The following CSGALNACT1 variants were observed in gnomAD, a reference collection of about 807,000 sequenced individuals.
CSGALNACT1 encodes the protein chondroitin sulfate N-acetylgalactosaminyltransferase 1.
CSGALNACT1 carries 52 observed loss-of-function variants against 51.0 expected under a neutral mutation model. That is an observed-to-expected ratio of 1.02 (90% CI 0.82 to 1.29). The LOEUF is 1.29. Among genes scored for constraint, CSGALNACT1 ranks in the 50% most tolerant of loss-of-function variants. The probability of loss-of-function intolerance (pLI) is 0.00; values close to 1 mark genes in which losing one functional copy is unlikely to be tolerated. For missense variants in CSGALNACT1, 935 were observed against 679.2 expected (o/e 1.38, Z -4.19); for synonymous variants, 341 against 254.4 (o/e 1.34, Z -3.24).
intron 1 of CSGALNACT1, among the ~76,000 whole-genome samples, chr8:19,734,240 T>C (rs190333539): frequency 4.5e-4 from 68 of 152,310 alleles, no homozygotes; most frequent in African/African-American, 1.5e-3. Flanking sequence ...CTGGATGAAG[T>C]TGGCCTAAAT....
At chr8:19,701,627 T>C (rs1015582379) in intron 1 of CSGALNACT1, among the ~76,000 whole-genome samples, 1 of 152,180 alleles carries the variant, frequency 6.6e-6, no homozygotes, top group Admixed American at 6.5e-5. Context: ...AGACCCTACA[T>C]AGACAATTAA....
At chr8:19,613,365 A>C (rs571153052) in intron 1 of CSGALNACT1, among the ~76,000 whole-genome samples, 5 of 152,236 alleles carry the variant, frequency 3.3e-5, no homozygotes, top group African/African-American at 4.8e-5. Context: ...CCTTTCCTAC[A>C]TCAAACCATA....
At chr8:19,451,849 C>T (rs2063236931) in intron 5 of CSGALNACT1, among the ~76,000 whole-genome samples, 1 of 152,174 alleles carries the variant, frequency 6.6e-6, no homozygotes, top group African/African-American at 2.4e-5. Context: ...GGCGATAGGG[C>T]CCATCTGGAC....
rs551721158 is a variant in CSGALNACT1, at chr8:19,568,755, G to A, written c.-297+22405C>T. Among the ~76,000 whole-genome samples the A allele has an allele frequency of 4.5e-4, 68 of 152,238 alleles. 1 individual carries two copies. The Middle Eastern group carries it at 0.01, about 23-fold the overall frequency. ...TATGGTGCCAATACAACCTCGCATT[G>A]CAGTAATTTGAAATTTCTGTCTCAA... is the stretch of plus-strand genomic sequence containing the variant. On this transcript the variant is annotated intron_variant, in intron 3 of 9. Coordinates refer to ENST00000454498, the Ensembl canonical transcript of CSGALNACT1.
chr8:19,457,721 A>C, intron 5 of CSGALNACT1: 1 of 1,341,934 alleles, frequency 7.5e-7, no homozygotes, highest in Non-Finnish European at 9.8e-7. Flanking sequence ...GGTTATCCTC[A>C]GCCAATATGT....
intron 5 of CSGALNACT1, among the ~76,000 whole-genome samples, chr8:19,456,143 C>T (rs2064041313): frequency 6.6e-6 from 1 of 152,222 alleles, no homozygotes; most frequent in African/African-American, 2.4e-5. Context: ...CTCAATGAAA[C>T]TTCCCTTCCT....
intron 3 of CSGALNACT1, among the ~76,000 whole-genome samples, chr8:19,555,152 T>C (rs2089402809): frequency 1.3e-5 from 2 of 150,632 alleles, no homozygotes; most frequent in African/African-American, 4.9e-5. Flanking sequence ...GGCAGGAAAA[T>C]AGCTTGAACC....
chr8:19,644,071 T>C (rs952800479), intron 1 of CSGALNACT1, among the ~76,000 whole-genome samples: 2 of 152,234 alleles, frequency 1.3e-5, no homozygotes, highest in South Asian at 2.1e-4. Context: ...TTATGGCATA[T>C]AGATTTTATA....
intron 5 of CSGALNACT1, among the ~76,000 whole-genome samples, chr8:19,448,025 C>T (rs1213276278): frequency 1.3e-5 from 2 of 152,166 alleles, no homozygotes; most frequent in Admixed American, 6.5e-5. Flanking sequence ...TGGCTGTTGT[C>T]AGAAGCATGG....
At chr8:19,468,115 T>C (rs1361389366) in intron 4 of CSGALNACT1, among the ~76,000 whole-genome samples, 1 of 152,090 alleles carries the variant, frequency 6.6e-6, no homozygotes, top group Non-Finnish European at 1.5e-5. Flanking sequence ...GCCCATGGTA[T>C]AAGGGAACAA....
At chr8:19,434,265 C>A (rs966509049) in intron 6 of CSGALNACT1, among the ~76,000 whole-genome samples, 2 of 152,158 alleles carry the variant, frequency 1.3e-5, no homozygotes, top group Admixed American at 6.5e-5. Flanking sequence ...GCACTAATAT[C>A]ATTTAATTGT....
intron 1 of CSGALNACT1, among the ~76,000 whole-genome samples, chr8:19,673,580 A>G (rs972230684): frequency 3.3e-5 from 5 of 152,180 alleles, no homozygotes; most frequent in Non-Finnish European, 7.3e-5. Flanking sequence ...TTCCATCTTT[A>G]ATTCCCATCG....
intron 4 of CSGALNACT1, among the ~76,000 whole-genome samples, chr8:19,478,909 T>A (rs1397491788): frequency 6.6e-6 from 1 of 152,180 alleles, no homozygotes; most frequent in Admixed American, 6.5e-5. Flanking sequence ...TGTCATGTCA[T>A]TTTAGGTTGC....
chr8:19,531,204 A>G (rs2082705842), intron 3 of CSGALNACT1, among the ~76,000 whole-genome samples: 1 of 152,226 alleles, frequency 6.6e-6, no homozygotes, highest in South Asian at 2.1e-4. Context: ...GCAGATATCT[A>G]TCATCTTTAT....
chr8:19,421,207 A>C (rs2057867642), intron 6 of CSGALNACT1, among the ~76,000 whole-genome samples: 1 of 152,252 alleles, frequency 6.6e-6, no homozygotes, highest in South Asian at 2.1e-4. Flanking sequence ...TCACTATCCC[A>C]CAGGGTTATT....
chr8:19,623,660 T>A (rs111359798), intron 1 of CSGALNACT1, among the ~76,000 whole-genome samples: 1,563 of 152,308 alleles, frequency 0.01, 15 homozygotes, highest in Middle Eastern at 0.02. Context: ...CTCAGTAAAA[T>A]TGAGCCAGAA....
chr8:19,470,133 G>A (rs2067784624), intron 4 of CSGALNACT1, among the ~76,000 whole-genome samples: 2 of 152,158 alleles, frequency 1.3e-5, no homozygotes, highest in Admixed American at 1.3e-4. Flanking sequence ...GAGGTGGATG[G>A]GACCTACAAC....
intron 3 of CSGALNACT1, among the ~76,000 whole-genome samples, chr8:19,509,621 C>T (rs538065476): frequency 1.9e-4 from 11 of 56,990 alleles, no homozygotes; most frequent in Middle Eastern, 0.023. Context: ...GACTCTGTCT[C>T]AAAAAAAAAA....
chr8:19,726,057 A>G, intron 1 of CSGALNACT1, among the ~76,000 whole-genome samples: 1 of 152,160 alleles, frequency 6.6e-6, no homozygotes, highest in East Asian at 1.9e-4. Context: ...ATTTTTTTGC[A>G]AAGTCTCTGT....
Sources: allele counts gnomAD v4.1 joint callset (sites outside exome capture counted in the v4.1 genomes callset), GRCh38; gene constraint gnomAD v4.1.1; transcripts MANE v1.5; gene names NCBI Gene and HGNC (gene_info 2026-07-23, HGNC 2026-07-21).